Variants in CNR1 observed in about 807,000 individuals in gnomAD.
CNR1 encodes cannabinoid receptor 1 (brain).
In CNR1, 10 loss-of-function variants were observed where a neutral mutation model predicts 23.0. The observed-to-expected ratio is 0.43, with a 90% CI of 0.27 to 0.74. The LOEUF is 0.74. Among genes scored for constraint, CNR1 ranks in the 30% least tolerant of loss-of-function variants. The pLI is 0.19. For synonymous variants in CNR1, 271 were observed against 255.2 expected (o/e 1.06, Z -0.59); for missense variants, 422 against 618.8 (o/e 0.68, Z 3.37).
intron 1 of CNR1, among the ~76,000 whole-genome samples, chr6:88,161,978 A>G (rs1281758439): frequency 6.6e-6 from 1 of 152,244 alleles, no homozygotes; most frequent in African/African-American, 2.4e-5. Context: ...AAAATAATAA[A>G]CAACTAAAAG....
At chr6:88,153,415 T>C (rs1025794929) in intron 1 of CNR1, among the ~76,000 whole-genome samples, 1 of 152,190 alleles carries the variant, frequency 6.6e-6, no homozygotes, top group African/African-American at 2.4e-5. Flanking sequence ...CTCCCTGATA[T>C]ATTATAGACT....
At chr6:88,155,248 T>C (rs1248033149) in intron 1 of CNR1, among the ~76,000 whole-genome samples, 2 of 152,264 alleles carry the variant, frequency 1.3e-5, no homozygotes, top group Non-Finnish European at 2.9e-5. Flanking sequence ...CCAAGTCTTA[T>C]TTCTCCAGAT....
chr6:88,159,044 T>C (rs1458159949), intron 1 of CNR1, among the ~76,000 whole-genome samples: 1 of 152,184 alleles, frequency 6.6e-6, no homozygotes, highest in Non-Finnish European at 1.5e-5. Flanking sequence ...ACTGATATAA[T>C]ACACAGATAT....
At chr6:88,156,611 A>T (rs1777814277) in intron 1 of CNR1, among the ~76,000 whole-genome samples, 1 of 152,180 alleles carries the variant, frequency 6.6e-6, no homozygotes, top group African/African-American at 2.4e-5. Context: ...GGTGATGGGC[A>T]TTGCTGAGCC....
At chr6:88,149,335 C>T (rs1447827349) in intron 1 of CNR1, among the ~76,000 whole-genome samples, 3 of 152,152 alleles carry the variant, frequency 2.0e-5, no homozygotes, top group Non-Finnish European at 4.4e-5. Context: ...GTTCATCTGT[C>T]TGTCTGTCAT....
chr6:88,148,552 T>TA (rs1053169298), intron 1 of CNR1, among the ~76,000 whole-genome samples: 221 of 145,476 alleles, frequency 1.5e-3, no homozygotes, highest in South Asian at 5.5e-3. Flanking sequence ...CAATGCTGAT[T>TA]AAAAAAAAAA....
intron 1 of CNR1, among the ~76,000 whole-genome samples, chr6:88,150,184 C>T (rs1157852531): frequency 6.6e-6 from 1 of 152,216 alleles, no homozygotes; most frequent in Non-Finnish European, 1.5e-5. Flanking sequence ...CATCTTCCCT[C>T]AATTAACTAA....
chr6:88,144,986 G>A lies in CNR1; in HGVS notation c.289C>T (p.Gln97Ter). The A allele has an allele frequency of 1.2e-6, 2 of 1,614,156 alleles. No individual in the cohort carries two copies. The highest frequency in any genetic ancestry group is 1.7e-6 in the Non-Finnish European group (2 of 1,180,030). ...SSFKENEENI[Q>*]CGENFMDIEC... ...ATGTCCATGAAGTTCTCCCCACACTGGATGTTCTCCTCATTCTCCTTGAAG... is the reference window on the plus strand; with the variant it reads ...ATGTCCATGAAGTTCTCCCCACACTAGATGTTCTCCTCATTCTCCTTGAAG... Residue 97 changes from glutamine to a stop codon, truncating the protein, a stop_gained, in exon 2 of 2, where the codon CAG (glutamine) becomes TAG (stop). Coordinates refer to ENST00000369501, the MANE Select transcript of CNR1 (RefSeq NM_016083.6). LOFTEE classifies it high-confidence loss of function. The surrounding 1 kb of genome is among the most constrained non-coding windows in gnomAD (Gnocchi z 7.8).
chr6:88,143,712 A>G lies in CNR1; in HGVS notation c.*144T>C, dbSNP rs1776960296. 7.4e-6 allele frequency: 5 copies of G among 675,642 alleles called. No individual in the cohort carries two copies. The highest frequency in any genetic ancestry group is 5.0e-5 in the Admixed American group (2 of 39,870). 41.9% of individuals were successfully genotyped at this position (675,642 alleles called of 1,614,324 possible). A position where few individuals can be genotyped will look rare whatever the true frequency, so the allele number is the denominator to read the frequency against. ...ACCTAAACTATGGAAACATTAGCAAACTGATAAGTGATCATGGTGACAATC... is the reference window on the plus strand; with the variant it reads ...ACCTAAACTATGGAAACATTAGCAAGCTGATAAGTGATCATGGTGACAATC... On this transcript the variant is annotated 3_prime_UTR_variant, in exon 2 of 2. Coordinates refer to ENST00000369501, the MANE Select transcript of CNR1 (RefSeq NM_016083.6).
chr6:88,160,185 G>A (rs969666612), intron 1 of CNR1, among the ~76,000 whole-genome samples: 21 of 151,974 alleles, frequency 1.4e-4, no homozygotes, highest in Admixed American at 2.0e-4. Context: ...AAAATTAGCC[G>A]GGCATGGTAG....
At chr6:88,152,589 T>A (rs1203279596) in intron 1 of CNR1, among the ~76,000 whole-genome samples, 1 of 152,224 alleles carries the variant, frequency 6.6e-6, no homozygotes, top group Non-Finnish European at 1.5e-5. Context: ...GAGTAATTTC[T>A]GTCCAATATA....
chr6:88,164,692 A>G (rs1404872299), intron 1 of CNR1, among the ~76,000 whole-genome samples: 1 of 152,238 alleles, frequency 6.6e-6, no homozygotes, highest in Non-Finnish European at 1.5e-5. Context: ...ATAAAGTCCT[A>G]TGGGAACCTT....
chr6:88,154,571 C>T (rs1317271823), intron 1 of CNR1, among the ~76,000 whole-genome samples: 1 of 152,060 alleles, frequency 6.6e-6, no homozygotes, highest in South Asian at 2.1e-4. Context: ...GTAAAGAAAG[C>T]AATTTTTTTT....
chr6:88,161,479 C>T lies in CNR1; in HGVS notation c.-64+4324G>A, dbSNP rs550318216. On this transcript the variant is annotated intron_variant, in intron 1 of 1. Transcript: ENST00000369501. ...TATTAATTCATCTATATGGAAAATA[C>T]TTCAAATATATGGAAAATATCAATG... Among the ~76,000 whole-genome samples, 12 of 152,298 alleles carry T rather than the reference C, an allele frequency of 7.9e-5. No individual in the cohort carries two copies. The South Asian group carries it at 2.5e-3, about 32-fold the overall frequency.
intron 1 of CNR1, among the ~76,000 whole-genome samples, chr6:88,149,168 A>T (rs1436884951): frequency 6.6e-6 from 1 of 152,198 alleles, no homozygotes; most frequent in Non-Finnish European, 1.5e-5. Flanking sequence ...TAGTGGCTAT[A>T]GAAATAAAGG....
At chr6:88,164,943 G>T (rs1426441566) in intron 1 of CNR1, among the ~76,000 whole-genome samples, 1 of 152,074 alleles carries the variant, frequency 6.6e-6, no homozygotes, top group Non-Finnish European at 1.5e-5. Flanking sequence ...TGCCCGAGGA[G>T]GCTTACTATA....
chr6:88,144,454 G>T lies in CNR1; in HGVS notation c.821C>A (p.Thr274Asn). 1 of 1,614,160 alleles carries T rather than the reference G, an allele frequency of 6.2e-7. No homozygotes were observed. The highest frequency in any genetic ancestry group is 8.5e-7 in the Non-Finnish European group (1 of 1,180,048). Residue 274 changes from threonine (T) to asparagine (N), a missense_variant, in exon 2 of 2, where the codon ACC becomes AAC. By Grantham distance (65) the Thr-to-Asn change is moderately conservative (BLOSUM62 0). Transcript: ENST00000369501. This position sits in a 1 kb window ranked among gnomAD's most constrained non-coding sequence, Gnocchi z 7.8. ...GACCCCGATCCAGAACATCAGGTAGGTTTCATCAATGTGTGGGAAAATGTC... is the reference window on the plus strand; with the variant it reads ...GACCCCGATCCAGAACATCAGGTAGTTTTCATCAATGTGTGGGAAAATGTC... ...CSDIFPHIDETYLMFWIGVTS... is the reference protein window; with the variant it reads ...CSDIFPHIDENYLMFWIGVTS...
At chr6:88,165,585 T>G (rs1444412983) in intron 1 of CNR1, among the ~76,000 whole-genome samples, 1 of 152,142 alleles carries the variant, frequency 6.6e-6, no homozygotes, top group Non-Finnish European at 1.5e-5. Context: ...CAGAGCCAGG[T>G]GCACACACAT....
Position 88,144,321 on chromosome 6 carries a change from G to A in CNR1, c.954C>T (p.Ile318=), listed in dbSNP as rs77173482. Reference sequence around the variant, plus strand: ...CCTTCCCATCCTCAGACGTGTGGATGATGATGCTCTTCTGGGTGCCACGCT... The same window carrying A: ...CCTTCCCATCCTCAGACGTGTGGATAATGATGCTCTTCTGGGTGCCACGCT... ...MIQRGTQKSI[I]IHTSEDGKVQ... The change falls in exon 2 of 2, where the codon ATC becomes ATT. Residue 318 remains isoleucine (I), a synonymous_variant. Transcript: ENST00000369501. The surrounding 1 kb of genome is among the most constrained non-coding windows in gnomAD (Gnocchi z 7.8). 6.2e-7 allele frequency: 1 copy of A among 1,613,032 alleles called. No individual in the cohort carries two copies. Among genetic ancestry groups the A allele is most frequent in the Non-Finnish European group, 8.5e-7 (1 of 1,180,022 alleles).
Sources: allele counts gnomAD v4.1 joint callset (sites outside exome capture counted in the v4.1 genomes callset), GRCh38; gene constraint gnomAD v4.1.1; non-coding constraint Gnocchi (gnomAD v3.1); transcripts MANE v1.5; gene names NCBI Gene and HGNC (gene_info 2026-07-23, HGNC 2026-07-21).